Variants in PPEF2 observed in about 807,000 individuals in gnomAD.
The protein encoded by PPEF2 is protein phosphatase with EF-hand domain 2.
PPEF2 carries 84 observed loss-of-function variants against 84.7 expected under a neutral mutation model. The ratio of observed to expected loss-of-function variants is 0.99; its 90% CI spans 0.83 to 1.19. The LOEUF is 1.19. PPEF2 is among the 50% of genes most tolerant of loss of function. The pLI is 0.00. For missense variants in PPEF2, 924 were observed against 937.5 expected (o/e 0.99, Z 0.19); for synonymous variants, 346 against 345.2 (o/e 1.00, Z -0.03).
intron 4 of PPEF2, 37 bp downstream of exon 4, chr4:75,891,611 C>G: frequency 6.4e-7 from 1 of 1,570,862 alleles, no homozygotes; most frequent in Non-Finnish European, 8.6e-7. Context: ...TATGGCCTTG[C>G]GACAGGAGGA....
Position 75,867,308 on chromosome 4 carries a change from C to A in PPEF2, c.1756+5G>T. On this transcript the variant is annotated splice_donor_5th_base_variant and intron_variant, in intron 14 of 16. Coordinates refer to ENST00000286719, the MANE Select transcript of PPEF2 (RefSeq NM_006239.3). ...TCTGTGAATCTTTAACTTGATCATT[C>A]TTACCGACTTTATCTGCATCATGCT... 1 of 1,606,888 alleles carries A rather than the reference C, an allele frequency of 6.2e-7. No individual in the cohort carries two copies. Among genetic ancestry groups the A allele is most frequent in the South Asian group, 1.1e-5 (1 of 90,784 alleles).
intron 2 of PPEF2, among the ~76,000 whole-genome samples, chr4:75,892,591 A>G (rs1724916545): frequency 6.6e-6 from 1 of 152,188 alleles, no homozygotes; most frequent in African/African-American, 2.4e-5. Context: ...CCCAGCTCCC[A>G]TGCTTGCCAT....
chr4:75,881,102 AT>A (rs33943154), intron 10 of PPEF2, among the ~76,000 whole-genome samples: 25 of 138,114 alleles, frequency 1.8e-4, no homozygotes, highest in African/African-American at 3.0e-4. Context: ...ATCCAGCATA[AT>A]TTTTTTTTTT....
At chr4:75,899,085 C>T (rs1725067502) in intron 1 of PPEF2, among the ~76,000 whole-genome samples, 1 of 152,098 alleles carries the variant, frequency 6.6e-6, no homozygotes, top group Non-Finnish European at 1.5e-5. Context: ...TTTTTAGCTC[C>T]CACATATGAG....
Position 75,873,230 on chromosome 4 carries a change from C to T in PPEF2, c.1403G>A (p.Gly468Glu). The change falls in exon 12 of 17, where the codon GGG (glycine) becomes GAG (glutamate). Residue 468 changes from glycine (G) to glutamate (E), a missense_variant. By Grantham distance (98) the Gly-to-Glu change is moderately conservative. Transcript: ENST00000286719. ...NTIRGGGCYFGPDVTQQLLQK... is the reference protein window; with the variant it reads ...NTIRGGGCYFEPDVTQQLLQK... ...TAGCAACTGTTGTGTCACATCAGGC[C>T]CAAAATAACAGCCTCCTCCTCGAAT... is the stretch of plus-strand genomic sequence containing the variant. The T allele has an allele frequency of 6.2e-7, 1 of 1,613,996 alleles. No individual in the cohort carries two copies. The highest frequency in any genetic ancestry group is 8.5e-7 in the Non-Finnish European group (1 of 1,179,928).
chr4:75,870,906 T>TA (rs1724254643), intron 13 of PPEF2, among the ~76,000 whole-genome samples: 15 of 104,994 alleles, frequency 1.4e-4, no homozygotes, highest in Admixed American at 4.1e-4. Context: ...TTTATTTATT[T>TA]TTATTTTACT....
chr4:75,871,490 T>A, intron 13 of PPEF2, among the ~76,000 whole-genome samples: 1 of 151,896 alleles, frequency 6.6e-6, no homozygotes, highest in East Asian at 1.9e-4. Flanking sequence ...CTTGTTTTTT[T>A]GAGACAGCCT....
intron 13 of PPEF2, 85 bp downstream of exon 13, chr4:75,871,940 T>C (rs1724290107): frequency 2.2e-6 from 3 of 1,390,656 alleles, no homozygotes; most frequent in South Asian, 2.9e-5. Flanking sequence ...AGAATTTGAA[T>C]AAATATAACG....
At chr4:75,881,034 T>C (rs2149221061) in intron 10 of PPEF2, among the ~76,000 whole-genome samples, 2 of 151,808 alleles carry the variant, frequency 1.3e-5, no homozygotes, top group Middle Eastern at 6.8e-3. Flanking sequence ...TCTCCTGACC[T>C]CGTGATCCAC....
chr4:75,867,271 T>C (rs1724152562), intron 14 of PPEF2, 42 bp downstream of exon 14: 1 of 1,496,834 alleles, frequency 6.7e-7, no homozygotes. Context: ...ATTTTCTGGC[T>C]AGCTTCCTTC....
chr4:75,863,640 T>C (rs1358807555), intron 16 of PPEF2, among the ~76,000 whole-genome samples: 3 of 151,994 alleles, frequency 2.0e-5, no homozygotes, highest in Non-Finnish European at 4.4e-5. Flanking sequence ...AAGAAACCAA[T>C]AATAACATTG....
At chr4:75,890,386 G>A (rs1211466509) in intron 4 of PPEF2, among the ~76,000 whole-genome samples, 1 of 151,412 alleles carries the variant, frequency 6.6e-6, no homozygotes, top group Admixed American at 6.6e-5. Context: ...CTACTCAAGA[G>A]GCTGAGATGG....
At chr4:75,886,306 G>A (rs1724721999) in intron 7 of PPEF2, among the ~76,000 whole-genome samples, 1 of 152,292 alleles carries the variant, frequency 6.6e-6, no homozygotes, top group East Asian at 1.9e-4. Context: ...CCGCCGGCCC[G>A]CAGTTCGGCT....
At chr4:75,899,967 A>G (rs1311345647) in intron 1 of PPEF2, among the ~76,000 whole-genome samples, 1 of 152,200 alleles carries the variant, frequency 6.6e-6, no homozygotes, top group Non-Finnish European at 1.5e-5. Context: ...AATTTTGGGC[A>G]CTTAAGCTCT....
chr4:75,866,057 A>G, intron 15 of PPEF2, 132 bp downstream of exon 15: 1 of 1,077,234 alleles, frequency 9.3e-7, no homozygotes, highest in South Asian at 1.8e-5. Flanking sequence ...TAGAAACTCA[A>G]GAAATAGTTA....
intron 11 of PPEF2, among the ~76,000 whole-genome samples, chr4:75,875,314 G>A (rs1724381506): frequency 6.6e-6 from 1 of 151,946 alleles, no homozygotes; most frequent in South Asian, 2.1e-4. Flanking sequence ...TACAGGCCAG[G>A]CACAGCAGCT....
chr4:75,885,265 A>T (rs1724691996), intron 7 of PPEF2, among the ~76,000 whole-genome samples: 1 of 152,202 alleles, frequency 6.6e-6, no homozygotes, highest in Non-Finnish European at 1.5e-5. Context: ...TTTGATAATA[A>T]TCAGTTTTCT....
intron 8 of PPEF2, 140 bp downstream of exon 8, chr4:75,884,454 T>A: frequency 9.6e-7 from 1 of 1,037,108 alleles, no homozygotes; most frequent in Non-Finnish European, 1.4e-6. Context: ...TTTTGAATGT[T>A]ATATACTGTG....
At chr4:75,869,123 A>G (rs1294114527) in intron 13 of PPEF2, among the ~76,000 whole-genome samples, 3 of 152,240 alleles carry the variant, frequency 2.0e-5, no homozygotes, top group Non-Finnish European at 4.4e-5. Context: ...AGAGGCTAAC[A>G]GAAGTATGGG....
Sources: allele counts gnomAD v4.1 joint callset (sites outside exome capture counted in the v4.1 genomes callset), GRCh38; gene constraint gnomAD v4.1.1; transcripts MANE v1.5; gene names NCBI Gene and HGNC (gene_info 2026-07-23, HGNC 2026-07-21).